The following SPMIP2 variants were observed in gnomAD, a reference collection of about 807,000 sequenced individuals.
SPMIP2 encodes protein SPMIP2.
the SPMIP2 span, among the ~76,000 whole-genome samples, chr4:158,977,655 G>C: frequency 8.1e-6 from 1 of 123,258 alleles, no homozygotes; most frequent in African/African-American, 3.1e-5. Flanking sequence ...CGCTCTGTCA[G>C]CCAGGCTGGA....
At chr4:158,998,417 A>C in the SPMIP2 span, among the ~76,000 whole-genome samples, 1 of 152,242 alleles carries the variant, frequency 6.6e-6, no homozygotes, top group Admixed American at 6.5e-5. Flanking sequence ...CTGCAAAAAT[A>C]AGTATTTCAT....
chr4:159,023,101 G>C, the SPMIP2 span, among the ~76,000 whole-genome samples: 7 of 151,972 alleles, frequency 4.6e-5, no homozygotes, highest in African/African-American at 1.7e-4. Context: ...TGTATATAGT[G>C]TGTGTGTCAA....
chr4:159,054,283 C>T, the SPMIP2 span, among the ~76,000 whole-genome samples: 55 of 152,260 alleles, frequency 3.6e-4, no homozygotes, highest in Non-Finnish European at 6.6e-4. Flanking sequence ...TTGTGAACCA[C>T]GGTGCCCAGA....
At chr4:158,979,862 C>T in the SPMIP2 span, among the ~76,000 whole-genome samples, 1 of 143,800 alleles carries the variant, frequency 7.0e-6, no homozygotes, top group Non-Finnish European at 1.5e-5. Flanking sequence ...ACTGTTCACT[C>T]CTCTGGAAAG....
At chr4:159,038,129 T>C in the SPMIP2 span, among the ~76,000 whole-genome samples, 1 of 152,202 alleles carries the variant, frequency 6.6e-6, no homozygotes, top group Admixed American at 6.5e-5. Context: ...ATACATCTTA[T>C]ATTTTTTGCA....
chr4:158,918,943 T>G, the SPMIP2 span, among the ~76,000 whole-genome samples: 1 of 152,228 alleles, frequency 6.6e-6, no homozygotes, highest in Non-Finnish European at 1.5e-5. Flanking sequence ...ACAACATTCT[T>G]ACTATTTAAT....
At chr4:158,990,944 C>G in the SPMIP2 span, among the ~76,000 whole-genome samples, 1 of 152,040 alleles carries the variant, frequency 6.6e-6, no homozygotes, top group African/African-American at 2.4e-5. Flanking sequence ...CTATGTTGCC[C>G]AGGCTGAAGT....
the SPMIP2 span, among the ~76,000 whole-genome samples, chr4:158,899,180 G>T: frequency 6.6e-6 from 1 of 152,178 alleles, no homozygotes; most frequent in Non-Finnish European, 1.5e-5. Context: ...AACCAGTCTT[G>T]CATCCCAGGG....
At chr4:158,966,805 C>CT in the SPMIP2 span, among the ~76,000 whole-genome samples, 1 of 151,694 alleles carries the variant, frequency 6.6e-6, no homozygotes, top group Admixed American at 6.6e-5. Context: ...TTTTTCTTTC[C>CT]TTTTTTCCCC....
At chr4:158,944,263 C>G in the SPMIP2 span, among the ~76,000 whole-genome samples, 2 of 152,038 alleles carry the variant, frequency 1.3e-5, no homozygotes, top group East Asian at 3.9e-4. Flanking sequence ...TCCCCTCCCT[C>G]TTCCCCTAAA....
the SPMIP2 span, among the ~76,000 whole-genome samples, chr4:158,912,508 G>A: frequency 1.3e-5 from 2 of 152,180 alleles, no homozygotes; most frequent in Non-Finnish European, 2.9e-5. Context: ...TCTGATTCTT[G>A]TCGTGTAAGA....
At chr4:158,975,099 T>A in the SPMIP2 span, among the ~76,000 whole-genome samples, 156 of 152,358 alleles carry the variant, frequency 1.0e-3, 1 homozygote, top group African/African-American at 3.6e-3. Context: ...GTCACATATA[T>A]GTCTTCTTTT....
At chr4:158,918,347 G>C in the SPMIP2 span, among the ~76,000 whole-genome samples, 1 of 152,188 alleles carries the variant, frequency 6.6e-6, no homozygotes, top group Non-Finnish European at 1.5e-5. Context: ...GTTTGTCTGA[G>C]TTGTGTTATT....
chr4:158,921,450 A>T, the SPMIP2 span, among the ~76,000 whole-genome samples: 4 of 151,438 alleles, frequency 2.6e-5, no homozygotes, highest in South Asian at 2.1e-4. Context: ...TCAAAATTTA[A>T]AAAAAAAAGG....
the SPMIP2 span, among the ~76,000 whole-genome samples, chr4:159,020,580 C>T: frequency 6.6e-6 from 1 of 152,130 alleles, no homozygotes; most frequent in African/African-American, 2.4e-5. Context: ...CTTTTCCTTT[C>T]CAGTTATCTG....
chr4:159,047,987 T>C, the SPMIP2 span, among the ~76,000 whole-genome samples: 1 of 152,246 alleles, frequency 6.6e-6, no homozygotes, highest in Non-Finnish European at 1.5e-5. Context: ...GAGCTCCTGC[T>C]CCCAGTCTTT....
chr4:159,052,790 C>G, the SPMIP2 span, among the ~76,000 whole-genome samples: 3 of 150,672 alleles, frequency 2.0e-5, no homozygotes, highest in Admixed American at 2.0e-4. Flanking sequence ...CCTGCCACCA[C>G]GCCTGGCTAA....
chr4:158,911,379 T>TAAATAAATAAATA, the SPMIP2 span, among the ~76,000 whole-genome samples: 11 of 144,610 alleles, frequency 7.6e-5, no homozygotes, highest in African/African-American at 2.1e-4. Context: ...AATAAATAAA[T>TAAATAAATAAATA]AAATAAAATA....
chr4:159,060,427 C>T, the SPMIP2 span, among the ~76,000 whole-genome samples: 2 of 152,202 alleles, frequency 1.3e-5, no homozygotes, highest in Non-Finnish European at 2.9e-5. Flanking sequence ...ATGTAATCTA[C>T]TGTCAGTGGA....
Sources: allele counts gnomAD v4.1 joint callset (sites outside exome capture counted in the v4.1 genomes callset), GRCh38; gene constraint gnomAD v4.1.1; transcripts MANE v1.5; gene names NCBI Gene and HGNC (gene_info 2026-07-23, HGNC 2026-07-21).